The following HAS3 variants were observed in gnomAD, a reference collection of about 807,000 sequenced individuals.
HAS3 encodes hyaluronan synthase 3.
HAS3 carries 27 observed loss-of-function variants against 50.3 expected under a neutral mutation model. The observed-to-expected ratio is 0.54, with a 90% CI of 0.40 to 0.74. The LOEUF is 0.74. HAS3 is among the 30% of genes least tolerant of loss of function. The pLI is 0.00. For synonymous variants in HAS3, 339 were observed against 310.9 expected (o/e 1.09, Z -0.95); for missense variants, 517 against 742.8 (o/e 0.70, Z 3.53).
Position 69,117,490 on chromosome 16 carries a change from C to G in HAS3, c.*2224C>G, listed in dbSNP as rs768557526. 1 of 982,662 alleles carries G rather than the reference C, an allele frequency of 1.0e-6. No homozygotes were observed. Among genetic ancestry groups the G allele is most frequent in the African/African-American group, 1.7e-5 (1 of 57,150 alleles). The allele number at this position is 982,662 out of a possible 1,614,324, so 60.9% of individuals were successfully genotyped here. A position where few individuals can be genotyped will look rare whatever the true frequency, so the allele number is the denominator to read the frequency against. On this transcript the variant is annotated 3_prime_UTR_variant, in exon 4 of 4. Coordinates refer to ENST00000569188, the MANE Select transcript of HAS3 (RefSeq NM_001199280.2). ...AGGGAAGAGCCTTTATACAATTGGA[C>G]GCATTTTGGTTTTTCCTCATTGAGA...
chr16:69,088,734 A>G, the HAS3 span, among the ~76,000 whole-genome samples: 1 of 152,100 alleles, frequency 6.6e-6, no homozygotes, highest in African/African-American at 2.4e-5. Flanking sequence ...AATGAGCACT[A>G]AAATAATGGG....
upstream of HAS3, among the ~76,000 whole-genome samples, chr16:69,102,930 A>G (rs1432194326): frequency 1.3e-5 from 2 of 152,096 alleles, no homozygotes; most frequent in Non-Finnish European, 2.9e-5. Flanking sequence ...TTGGGCTTCT[A>G]AACAGGTCAC....
Position 69,107,452 on chromosome 16 carries a change from C to T in HAS3, c.-1+1665C>T, listed in dbSNP as rs1186513823. The T allele has an allele frequency of 1.0e-6, 1 of 985,634 alleles. No individual in the cohort carries two copies. Among genetic ancestry groups the T allele is most frequent in the East Asian group, 1.1e-4 (1 of 8,812 alleles). The allele number at this position is 985,634 out of a possible 1,614,324, so 61.1% of individuals were successfully genotyped here. ...ATCCCTTGGGTTTTCCGTTCCTTCC[C>T]GGTTGGGTCGTGGGAAAGCGGCACG... On this transcript the variant is annotated intron_variant, in intron 1 of 3. Coordinates refer to ENST00000569188, the MANE Select transcript of HAS3 (RefSeq NM_001199280.2). This position sits in a 1 kb window ranked among gnomAD's most constrained non-coding sequence, Gnocchi z 5.5.
upstream of HAS3, among the ~76,000 whole-genome samples, chr16:69,103,870 T>A (rs1362096800): frequency 6.6e-6 from 1 of 152,164 alleles, no homozygotes; most frequent in Non-Finnish European, 1.5e-5. Flanking sequence ...TCAGTCCGCC[T>A]AGCAATCCCA....
Position 69,114,783 on chromosome 16 carries a change from C to A in HAS3, c.1179C>A (p.Leu393=). The A allele has an allele frequency of 3.1e-6, 5 of 1,614,142 alleles. No individual in the cohort carries two copies. Among genetic ancestry groups the A allele is most frequent in the Non-Finnish European group, 4.2e-6 (5 of 1,180,040 alleles). The change falls in exon 4 of 4, where the codon CTC becomes CTA. Residue 393 remains leucine, a synonymous_variant. Transcript: ENST00000569188. This position sits in a 1 kb window ranked among gnomAD's most constrained non-coding sequence, Gnocchi z 6.4. The part of the protein sequence containing the change: ...SVVTGFFPFF[L]IATVIQLFYR... ...TCACGGGTTTCTTCCCCTTCTTCCT[C>A]ATTGCCACGGTTATACAGCTTTTCT...
chr16:69,085,472 C>T, the HAS3 span, among the ~76,000 whole-genome samples: 1 of 152,116 alleles, frequency 6.6e-6, no homozygotes, highest in Admixed American at 6.6e-5. Flanking sequence ...CACTACGTTG[C>T]CCAGGCTATT....
rs371179211 is a variant in HAS3 at position 69,110,008 on chromosome 16, G to C, written c.613G>C (p.Gly205Arg). 1 of 1,608,272 alleles carries C rather than the reference G, an allele frequency of 6.2e-7. No homozygotes were observed. Among genetic ancestry groups the C allele is most frequent in the African/African-American group, 1.3e-5 (1 of 74,810 alleles). ...CATGTACACGGCCTTCAAGGCCCTC[G>C]GCGATTCGGTGGACTACATCCAGGT... ...EVMYTAFKAL[G>R]DSVDYIQVCD... The change falls in exon 2 of 4, where the codon GGC (glycine) becomes CGC (arginine). Residue 205 changes from glycine to arginine, a missense_variant. Transcript: ENST00000569188.
the HAS3 span, among the ~76,000 whole-genome samples, chr16:69,090,181 C>T: frequency 6.6e-6 from 1 of 152,306 alleles, no homozygotes; most frequent in African/African-American, 2.4e-5. Flanking sequence ...CTCACATATA[C>T]ACATGAATCC....
chr16:69,097,410 G>A, the HAS3 span, among the ~76,000 whole-genome samples: 7 of 150,636 alleles, frequency 4.6e-5, no homozygotes, highest in Admixed American at 2.7e-4. Flanking sequence ...TCAGGCCATC[G>A]CACTCCAGCC....
rs1288363363 is a variant in HAS3 at position 69,117,153 on chromosome 16, CAAG to C, written c.*1891_*1893del. The C allele has an allele frequency of 1.0e-6, 1 of 985,702 alleles. No individual in the cohort carries two copies. The highest frequency in any genetic ancestry group is 1.2e-6 in the Non-Finnish European group (1 of 829,934). 61.1% of individuals were successfully genotyped at this position (985,702 alleles called of 1,614,324 possible). A position where few individuals can be genotyped will look rare whatever the true frequency, so the allele number is the denominator to read the frequency against. The stretch of plus-strand genomic sequence containing the variant: ...TGATCCAGGCAATCGTTCTGCTGGC[CAAG>C]AAGTTAAACTATTTTGAGCATTAGA... On this transcript the variant is annotated 3_prime_UTR_variant, in exon 4 of 4. Transcript: ENST00000569188.
At chr16:69,111,507 C>A (rs536042437) in intron 2 of HAS3, among the ~76,000 whole-genome samples, 1 of 152,332 alleles carries the variant, frequency 6.6e-6, no homozygotes, top group Non-Finnish European at 1.5e-5. Context: ...TGCCAGCCCA[C>A]CTGTGTACCA....
rs1046388667 is a variant in HAS3 at position 69,116,251 on chromosome 16, T to C, written c.*985T>C. The stretch of plus-strand genomic sequence containing the variant: ...ACTGCAGTCACCTCTTCTACCCTCA[T>C]CATCATAGGTAAGGTTTTCAAGGTG... On this transcript the variant is annotated 3_prime_UTR_variant, in exon 4 of 4. Coordinates refer to ENST00000569188, the MANE Select transcript of HAS3 (RefSeq NM_001199280.2). 4.1e-6 allele frequency: 4 copies of C among 985,500 alleles called. No homozygotes were observed. The African/African-American group carries it at 5.2e-5, about 13-fold the overall frequency. 61.0% of individuals were successfully genotyped at this position (985,500 alleles called of 1,614,324 possible). A position where few individuals can be genotyped will look rare whatever the true frequency, so the allele number is the denominator to read the frequency against.
At chr16:69,108,109 AG>A (rs1182165174) in intron 1 of HAS3, among the ~76,000 whole-genome samples, 1 of 152,202 alleles carries the variant, frequency 6.6e-6, no homozygotes, top group African/African-American at 2.4e-5. Flanking sequence ...GGGGTTCTCT[AG>A]ATCAGGCAGG....
the HAS3 span, among the ~76,000 whole-genome samples, chr16:69,094,690 T>C: frequency 6.6e-6 from 1 of 152,206 alleles, no homozygotes; most frequent in Admixed American, 6.5e-5. Flanking sequence ...TTCTGTCCTT[T>C]AGAAAACAAA....
At chr16:69,090,693 G>A in the HAS3 span, among the ~76,000 whole-genome samples, 11 of 152,014 alleles carry the variant, frequency 7.2e-5, no homozygotes, top group Admixed American at 1.3e-4. Flanking sequence ...TCAGCCTCCC[G>A]AGTAGCTGGG....
chr16:69,113,624 G>A (rs1419967333), intron 3 of HAS3, 82 bp downstream of exon 3: 2 of 822,196 alleles, frequency 2.4e-6, no homozygotes, highest in African/African-American at 1.7e-5. Flanking sequence ...GGAAATGGGT[G>A]TCTTGACTTC....
In HAS3 at chr16:69,111,261, A is replaced by G. The variant is rs116851514; in HGVS notation, c.636+1230A>G. Among the ~76,000 whole-genome samples, 408 of 140,132 alleles carry G rather than the reference A, an allele frequency of 2.9e-3. 22 individuals carry two copies. The East Asian group carries it at 0.074, about 25-fold the overall frequency. The allele number at this position is 140,132 out of a possible 152,430, so 91.9% of individuals were successfully genotyped here. A position where few individuals can be genotyped will look rare whatever the true frequency, so the allele number is the denominator to read the frequency against. ...ACTTTTTGTAGTTTTAGTTAGGGAC[A>G]GGGTTTCTCCATGTTGGTCAGGCTG... On this transcript the variant is annotated intron_variant, in intron 2 of 3. Coordinates refer to ENST00000569188, the MANE Select transcript of HAS3 (RefSeq NM_001199280.2).
Position 69,106,144 on chromosome 16 carries a change from G to C in HAS3, c.-1+357G>C, listed in dbSNP as rs1242930846. The stretch of plus-strand genomic sequence containing the variant: ...CCCTCCCACTCTGGTCAACTTTCCC[G>C]GCCCCAGGGCCGGGGGAGGCGCCTC... On this transcript the variant is annotated intron_variant, in intron 1 of 3. Coordinates refer to ENST00000569188, the MANE Select transcript of HAS3 (RefSeq NM_001199280.2). The surrounding 1 kb of genome is among the most constrained non-coding windows in gnomAD (Gnocchi z 5.5). 6.6e-6 allele frequency: 1 copy of C among 152,022 alleles called. No individual in the cohort carries two copies. Among genetic ancestry groups the C allele is most frequent in the Non-Finnish European group, 1.5e-5 (1 of 67,974 alleles). 9.4% of individuals were successfully genotyped at this position (152,022 alleles called of 1,614,324 possible). A position where few individuals can be genotyped will look rare whatever the true frequency, so the allele number is the denominator to read the frequency against.
chr16:69,110,035 AG>A lies in HAS3; in HGVS notation c.636+7del. On this transcript the variant is annotated splice_donor_5th_base_variant and intron_variant, in intron 2 of 3. Transcript: ENST00000569188. Reference sequence around the variant, plus strand: ...CGATTCGGTGGACTACATCCAGGTAAGGGCGCCTCCCTAGGAGCGTGTGTAC... The same window carrying A: ...CGATTCGGTGGACTACATCCAGGTAAGGCGCCTCCCTAGGAGCGTGTGTAC... 1 of 1,601,884 alleles carries A rather than the reference AG, an allele frequency of 6.2e-7. No homozygotes were observed. The highest frequency in any genetic ancestry group is 8.5e-7 in the Non-Finnish European group (1 of 1,171,992).
Sources: gnomAD v4.1 joint callset for allele counts (sites outside exome capture counted in the v4.1 genomes callset) on GRCh38, gnomAD v4.1.1 for gene constraint, Gnocchi (gnomAD v3.1) non-coding constraint, MANE v1.5 for transcripts, NCBI Gene and HGNC (gene_info 2026-07-23, HGNC 2026-07-21) for gene names.